The following DLC1 variants were observed in gnomAD, a reference collection of about 807,000 sequenced individuals.
DLC1 encodes the protein rho GTPase-activating protein 7.
In DLC1, 54 loss-of-function variants were observed where a neutral mutation model predicts 140.3. The ratio of observed to expected loss-of-function variants is 0.38; its 90% CI spans 0.31 to 0.48. DLC1 has a LOEUF of 0.48. Among genes scored for constraint, DLC1 ranks in the 20% least tolerant of loss-of-function variants. The pLI is 0.96. For synonymous variants in DLC1, 986 were observed against 728.1 expected (o/e 1.35, Z -5.70); for missense variants, 2,536 against 1,907.0 (o/e 1.33, Z -6.14).
At chr8:13,371,218 C>T (rs542994958) in intron 4 of DLC1, among the ~76,000 whole-genome samples, 1 of 152,088 alleles carries the variant, frequency 6.6e-6, no homozygotes, top group African/African-American at 2.4e-5. Flanking sequence ...TGTATGCCTC[C>T]TCTTCCTCTT....
intron 1 of DLC1, among the ~76,000 whole-genome samples, chr8:13,531,139 C>G (rs965337221): frequency 2.6e-5 from 4 of 152,160 alleles, no homozygotes; most frequent in African/African-American, 9.7e-5. Flanking sequence ...TTTCCTGGAA[C>G]TGAATTGCTC....
chr8:13,397,574 A>G (rs1427923696), intron 3 of DLC1, among the ~76,000 whole-genome samples: 2 of 152,126 alleles, frequency 1.3e-5, no homozygotes, highest in African/African-American at 4.8e-5. Context: ...CATGCCTGTC[A>G]TCTCAATACA....
rs377156591 is a variant in DLC1 at position 13,153,173 on chromosome 8, G to C, written c.1349-37516C>G. On this transcript the variant is annotated intron_variant, in intron 5 of 17. Coordinates refer to ENST00000276297, the MANE Select transcript of DLC1 (RefSeq NM_182643.3). Reference sequence around the variant, plus strand: ...CTTAAAGATGGTGTGTCTGGAGTTTGTTCCTTCTGGTGTTCTGACGTGTTC... The same window carrying C: ...CTTAAAGATGGTGTGTCTGGAGTTTCTTCCTTCTGGTGTTCTGACGTGTTC... Among the ~76,000 whole-genome samples, 77 of 152,318 alleles carry C rather than the reference G, an allele frequency of 5.1e-4. 1 individual carries two copies. In the South Asian group the frequency reaches 0.015, roughly 30 times the overall value.
chr8:13,332,138 C>T (rs933405293), intron 4 of DLC1, among the ~76,000 whole-genome samples: 1 of 152,098 alleles, frequency 6.6e-6, no homozygotes, highest in Admixed American at 6.6e-5. Context: ...TCTTAATGCC[C>T]CTTTAAATTA....
chr8:13,576,244 C>A (rs1263561953), intron 1 of DLC1, among the ~76,000 whole-genome samples: 1 of 152,000 alleles, frequency 6.6e-6, no homozygotes, highest in African/African-American at 2.4e-5. Flanking sequence ...CAAGGGATTC[C>A]CAGGTAGTTA....
intron 5 of DLC1, among the ~76,000 whole-genome samples, chr8:13,144,044 T>G (rs181595947): frequency 6.6e-6 from 1 of 152,284 alleles, no homozygotes; most frequent in East Asian, 1.9e-4. Context: ...GCTGAACAGA[T>G]AGCTGGCAAA....
rs531746115 is a variant in DLC1, at chr8:13,496,611, C to T, written c.1023+2438G>A. Among the ~76,000 whole-genome samples the T allele has an allele frequency of 3.3e-5, 5 of 151,702 alleles. No individual in the cohort carries two copies. In the East Asian group the frequency reaches 5.8e-4, roughly 18 times the overall value. On this transcript the variant is annotated intron_variant, in intron 2 of 17. Coordinates refer to ENST00000276297, the MANE Select transcript of DLC1 (RefSeq NM_182643.3). ...ACACACACACATACCTACACACACA[C>T]ATTTTGACATTAAGATTTGGCTGTC...
chr8:13,419,494 C>G (rs1838215176), intron 2 of DLC1, among the ~76,000 whole-genome samples: 1 of 152,116 alleles, frequency 6.6e-6, no homozygotes, highest in Non-Finnish European at 1.5e-5. Context: ...GTCTTTGTTT[C>G]TGTTTATATG....
At chr8:13,136,504 G>A (rs1822567676) in intron 5 of DLC1, among the ~76,000 whole-genome samples, 1 of 152,174 alleles carries the variant, frequency 6.6e-6, no homozygotes, top group Admixed American at 6.5e-5. Flanking sequence ...TTGCTGCAAA[G>A]GACATCATTT....
At chr8:13,321,172 A>G (rs1301293674) in intron 4 of DLC1, among the ~76,000 whole-genome samples, 1 of 152,218 alleles carries the variant, frequency 6.6e-6, no homozygotes, top group Non-Finnish European at 1.5e-5. Flanking sequence ...TTAAAAAAAT[A>G]CTTACGTCTA....
At chr8:13,456,546 C>G (rs535991137) in intron 2 of DLC1, among the ~76,000 whole-genome samples, 1 of 152,234 alleles carries the variant, frequency 6.6e-6, no homozygotes, top group Middle Eastern at 3.4e-3. Flanking sequence ...GCAACTCCTG[C>G]CTCCCAGGCT....
intron 13 of DLC1, among the ~76,000 whole-genome samples, chr8:13,092,097 T>C (rs74700984): frequency 6.6e-6 from 1 of 151,970 alleles, no homozygotes; most frequent in Non-Finnish European, 1.5e-5. Context: ...ATATAAAAAT[T>C]AGCTGGGCGT....
Position 13,538,971 on chromosome 8 carries a change from G to A in DLC1, c.-125-38775C>T, listed in dbSNP as rs1803393513. On this transcript the variant is annotated intron_variant, in intron 1 of 1. Transcript: ENST00000631382. ...TTTTCTCTCACTCTTAAAATACGTG[G>A]CAGATTAAAAACCTGTCATCATTTT... 2.0e-5 allele frequency among the ~76,000 whole-genome samples: 3 copies of A among 152,044 alleles called. No individual in the cohort carries two copies. The South Asian group carries it at 6.2e-4, about 32-fold the overall frequency.
chr8:13,103,846 A>G (rs1279437501), intron 7 of DLC1, among the ~76,000 whole-genome samples: 1 of 148,318 alleles, frequency 6.7e-6, no homozygotes, highest in East Asian at 2.0e-4. Context: ...TCTCAAAAAA[A>G]AAAAAAAAAA....
chr8:13,273,359 C>G (rs1831024189), intron 5 of DLC1, among the ~76,000 whole-genome samples: 1 of 152,180 alleles, frequency 6.6e-6, no homozygotes, highest in Non-Finnish European at 1.5e-5. Flanking sequence ...CAATACCATC[C>G]TCTGCTTTTA....
At chr8:13,492,108 C>G (rs1023339318) in intron 2 of DLC1, among the ~76,000 whole-genome samples, 7 of 152,102 alleles carry the variant, frequency 4.6e-5, no homozygotes, top group African/African-American at 1.7e-4. Context: ...GAGCAACTAA[C>G]TTGACTGAGA....
intron 2 of DLC1, among the ~76,000 whole-genome samples, chr8:13,453,404 G>GTATATATATATA (rs1252499122): frequency 4.4e-5 from 1 of 22,978 alleles, no homozygotes; most frequent in Non-Finnish European, 7.6e-5. Flanking sequence ...ATATATATGT[G>GTATATATATATA]TATATATATA....
chr8:13,572,100 T>TA lies in DLC1; in HGVS notation c.-126+32436_-126+32437insT, dbSNP rs200170550. Among the ~76,000 whole-genome samples the TA allele has an allele frequency of 7.9e-3, 1,191 of 150,004 alleles. 21 individuals carry two copies. Among genetic ancestry groups the TA allele is most frequent in the African/African-American group, 0.027 (1,117 of 41,110 alleles). ...GATTATTATTATTATTATTTATTTT[T>TA]TTTTTTTGAGATGGAGTCTCACTCT... On this transcript the variant is annotated intron_variant, in intron 1 of 1. Coordinates refer to the DLC1 transcript ENST00000631382.
At chr8:13,358,072 C>T (rs751101310) in intron 4 of DLC1, among the ~76,000 whole-genome samples, 1 of 151,940 alleles carries the variant, frequency 6.6e-6, no homozygotes, top group Non-Finnish European at 1.5e-5. Flanking sequence ...TTCTGAAAAC[C>T]TGCAGACAAA....
Sources: gnomAD v4.1 joint callset for allele counts (sites outside exome capture counted in the v4.1 genomes callset) on GRCh38, gnomAD v4.1.1 for gene constraint, MANE v1.5 for transcripts, NCBI Gene and HGNC (gene_info 2026-07-23, HGNC 2026-07-21) for gene names.